Variants in COL23A1 observed in about 807,000 individuals in gnomAD.
COL23A1 encodes the protein collagen type XXIII alpha 1 chain.
COL23A1 carries 97 observed loss-of-function variants against 99.3 expected under a neutral mutation model. That is an observed-to-expected ratio of 0.98 (90% CI 0.83 to 1.16). The LOEUF (loss-of-function observed/expected upper bound fraction) is 1.16, where lower values mean the gene tolerates loss of function less well. COL23A1 is among the 50% of genes most tolerant of loss of function. The pLI, the probability that COL23A1 is intolerant of heterozygous loss-of-function variation, is 0.00. For missense variants in COL23A1, 762 were observed against 757.4 expected (o/e 1.01, Z -0.07); for synonymous variants, 320 against 308.2 (o/e 1.04, Z -0.40).
intron 2 of COL23A1, among the ~76,000 whole-genome samples, chr5:178,382,163 C>A (rs573883692): frequency 6.6e-6 from 1 of 152,132 alleles, no homozygotes; most frequent in East Asian, 1.9e-4. Flanking sequence ...GCTGAGAGGC[C>A]GACGCTCAGA....
At position 178,384,013 on chromosome 5, in the gene COL23A1, C is replaced by T. The variant is rs569457674; in HGVS notation, c.362-77094G>A. ...GCAAACGAGGCCACGCTGTGTGACA[C>T]GGGGGCCCAGGACTCCACCAGGCGG... On this transcript the variant is annotated intron_variant, in intron 2 of 28. Transcript: ENST00000390654. This position sits in a 1 kb window ranked among gnomAD's most constrained non-coding sequence, Gnocchi z 5.5. Among the ~76,000 whole-genome samples, 16 of 152,296 alleles carry T rather than the reference C, an allele frequency of 1.1e-4. No homozygotes were observed. The highest frequency in any genetic ancestry group is 2.9e-4 in the African/African-American group (12 of 41,558).
chr5:178,306,808 A>G lies in COL23A1; in HGVS notation c.406+67T>C. ...TGGGCAGCAGGTGGCCAGGCCCTGC[A>G]GTCAGAGCCTGGGGCCATGGTGGCT... On this transcript the variant is annotated intron_variant, in intron 3 of 28. Coordinates refer to ENST00000390654, the MANE Select transcript of COL23A1 (RefSeq NM_173465.4). This position sits in a 1 kb window ranked among gnomAD's most constrained non-coding sequence, Gnocchi z 4.1. The G allele has an allele frequency of 4.1e-6, 5 of 1,210,866 alleles. No individual in the cohort carries two copies. The highest frequency in any genetic ancestry group is 3.3e-6 in the Non-Finnish European group (3 of 903,356). 75.0% of individuals were successfully genotyped at this position (1,210,866 alleles called of 1,614,324 possible).
chr5:178,550,374 C>T (rs191428134), intron 2 of COL23A1, among the ~76,000 whole-genome samples: 167 of 152,282 alleles, frequency 1.1e-3, no homozygotes, highest in African/African-American at 3.5e-3. Flanking sequence ...TTGTAGGACA[C>T]TCAACAGCAC....
intron 12 of COL23A1, among the ~76,000 whole-genome samples, chr5:178,259,134 T>C (rs1341328091): frequency 1.3e-5 from 2 of 152,118 alleles, no homozygotes; most frequent in Non-Finnish European, 2.9e-5. Flanking sequence ...TTGGCCAGGC[T>C]GGTCTTGAAC....
chr5:178,369,255 G>A (rs1027859884), intron 2 of COL23A1, among the ~76,000 whole-genome samples: 1 of 152,068 alleles, frequency 6.6e-6, no homozygotes, highest in Admixed American at 6.5e-5. Context: ...TTGACCCCTG[G>A]AGAGATGAAG....
chr5:178,407,190 G>A (rs1219764675), intron 2 of COL23A1, among the ~76,000 whole-genome samples: 1 of 152,200 alleles, frequency 6.6e-6, no homozygotes, highest in Non-Finnish European at 1.5e-5. Flanking sequence ...ATCAGTGGAG[G>A]CCTAGTGGGG....
chr5:178,382,460 A>C (rs893142000), intron 2 of COL23A1, among the ~76,000 whole-genome samples: 24 of 152,194 alleles, frequency 1.6e-4, no homozygotes, highest in Admixed American at 4.6e-4. Flanking sequence ...GAAGGTGGGA[A>C]TCACCTAATG....
chr5:178,296,337 C>G (rs944504571), intron 3 of COL23A1, among the ~76,000 whole-genome samples: 3 of 152,286 alleles, frequency 2.0e-5, no homozygotes, highest in Non-Finnish European at 4.4e-5. Flanking sequence ...AATGCGTTCC[C>G]CAGAGCATTT....
chr5:178,489,919 G>A (rs978682671), intron 2 of COL23A1, among the ~76,000 whole-genome samples: 11 of 152,274 alleles, frequency 7.2e-5, no homozygotes, highest in Admixed American at 1.3e-4. Flanking sequence ...ATCCAGACAA[G>A]AGAAGATCAC....
intron 2 of COL23A1, among the ~76,000 whole-genome samples, chr5:178,518,716 A>C (rs1397045049): frequency 2.1e-5 from 3 of 140,940 alleles, no homozygotes; most frequent in Admixed American, 7.0e-5. Context: ...CCAGGCAGAG[A>C]CACTCCTCAC....
At chr5:178,402,279 C>T (rs1475372071) in intron 2 of COL23A1, among the ~76,000 whole-genome samples, 1 of 152,010 alleles carries the variant, frequency 6.6e-6, no homozygotes, top group Non-Finnish European at 1.5e-5. Context: ...TTGCTTGAGG[C>T]CGGGAGTTGG....
At position 178,365,447 on chromosome 5, in the gene COL23A1, C is replaced by T. The variant is rs1250436796; in HGVS notation, c.362-58528G>A. Among the ~76,000 whole-genome samples, 9 of 151,956 alleles carry T rather than the reference C, an allele frequency of 5.9e-5. No homozygotes were observed. Among genetic ancestry groups the T allele is most frequent in the Admixed American group, 6.6e-5 (1 of 15,242 alleles). On this transcript the variant is annotated intron_variant, in intron 2 of 28. Coordinates refer to ENST00000390654, the MANE Select transcript of COL23A1 (RefSeq NM_173465.4). This position sits in a 1 kb window ranked among gnomAD's most constrained non-coding sequence, Gnocchi z 5.2. ...ACGCATTTCAGGTCTGACGGGTACCCGCCACCCAATCCCTCTTTCTTTTGA... is the reference window on the plus strand; with the variant it reads ...ACGCATTTCAGGTCTGACGGGTACCTGCCACCCAATCCCTCTTTCTTTTGA...
At chr5:178,547,456 T>C (rs1449004623) in intron 2 of COL23A1, among the ~76,000 whole-genome samples, 1 of 126,990 alleles carries the variant, frequency 7.9e-6, no homozygotes, top group Non-Finnish European at 1.7e-5. Flanking sequence ...CATGCACGTG[T>C]GGGCACACAC....
At chr5:178,570,790 A>C (rs981177546) in intron 1 of COL23A1, among the ~76,000 whole-genome samples, 2 of 152,150 alleles carry the variant, frequency 1.3e-5, no homozygotes, top group African/African-American at 4.8e-5. Context: ...AGCCTCCCGA[A>C]TTGAAGACAT....
intron 2 of COL23A1, among the ~76,000 whole-genome samples, chr5:178,546,628 C>T (rs1405670087): frequency 6.6e-6 from 1 of 152,198 alleles, no homozygotes; most frequent in Non-Finnish European, 1.5e-5. Context: ...ACTGAGGGTT[C>T]ACGAGGGCAG....
At chr5:178,574,187 G>A (rs981096515) in intron 1 of COL23A1, among the ~76,000 whole-genome samples, 3 of 152,064 alleles carry the variant, frequency 2.0e-5, no homozygotes, top group Admixed American at 6.6e-5. Flanking sequence ...TGAGGTTCTA[G>A]AACAGGCAAA....
intron 1 of COL23A1, among the ~76,000 whole-genome samples, chr5:178,578,091 GCATGCACACGCCCA>G (rs912597814): frequency 6.7e-6 from 1 of 149,924 alleles, no homozygotes; most frequent in East Asian, 2.0e-4. Flanking sequence ...ACACACACAT[GCATGCACACGCCCA>G]CATGCACACA....
intron 2 of COL23A1, among the ~76,000 whole-genome samples, chr5:178,447,149 A>G (rs1265410674): frequency 6.6e-6 from 1 of 151,266 alleles, no homozygotes; most frequent in Non-Finnish European, 1.5e-5. Context: ...GCTGGAGTGC[A>G]GAGGTACAAT....
At chr5:178,535,349 C>G (rs1420951509) in intron 2 of COL23A1, among the ~76,000 whole-genome samples, 1 of 152,238 alleles carries the variant, frequency 6.6e-6, no homozygotes, top group Non-Finnish European at 1.5e-5. Flanking sequence ...TTATCTACTC[C>G]AACAGGCTGC....
Sources: allele counts gnomAD v4.1 joint callset (sites outside exome capture counted in the v4.1 genomes callset), GRCh38; gene constraint gnomAD v4.1.1; non-coding constraint Gnocchi (gnomAD v3.1); transcripts MANE v1.5; gene names NCBI Gene and HGNC (gene_info 2026-07-23, HGNC 2026-07-21).